Variants in LDB2 observed in about 807,000 individuals in gnomAD.
LDB2 encodes LIM domain binding 2.
LDB2 carries 12 observed loss-of-function variants against 44.3 expected under a neutral mutation model. The observed-to-expected ratio is 0.27, with a 90% CI of 0.17 to 0.44. The LOEUF is 0.44. Ranked by LOEUF, LDB2 falls within the 20% of genes least tolerant of loss-of-function variation. LDB2 has a pLI of 1.00. For missense variants in LDB2, 344 were observed against 473.5 expected (o/e 0.73, Z 2.54); for synonymous variants, 164 against 174.8 (o/e 0.94, Z 0.49).
intron 1 of LDB2, among the ~76,000 whole-genome samples, chr4:16,848,311 T>A (rs2110162679): frequency 6.6e-6 from 1 of 152,370 alleles, no homozygotes; most frequent in East Asian, 1.9e-4. Flanking sequence ...GAAGTCCATG[T>A]ATATACACTA....
intron 2 of LDB2, among the ~76,000 whole-genome samples, chr4:16,692,061 A>G (rs1371460573): frequency 1.3e-5 from 2 of 152,212 alleles, no homozygotes; most frequent in African/African-American, 2.4e-5. Flanking sequence ...ACCACAGTAC[A>G]GTATTGAATT....
Position 16,512,037 on chromosome 4 carries a change from C to T in LDB2, c.683G>A (p.Arg228Gln), listed in dbSNP as rs1721941384. 2.5e-6 allele frequency: 4 copies of T among 1,613,584 alleles called. No individual in the cohort carries two copies. Among genetic ancestry groups the T allele is most frequent in the Admixed American group, 1.7e-5 (1 of 59,940 alleles). ...SRHKTYNLSP[R>Q]DCLKTCLFQK... ...AAACAAGCAGGTCTTCAGGCAGTCT[C>T]GGGGACTGAGGTTGTAAGTTTTATG... Residue 228 changes from arginine to glutamine, a missense_variant, in exon 6 of 8, where the codon CGA (arginine) becomes CAA (glutamine). Around this residue, in one of 3 missense-constraint regions of LDB2, gnomAD observed 86 missense variants for 171.2 expected, o/e 0.50. Transcript: ENST00000304523.
At chr4:16,827,334 G>A (rs1783243203) in intron 1 of LDB2, among the ~76,000 whole-genome samples, 1 of 151,414 alleles carries the variant, frequency 6.6e-6, no homozygotes, top group Non-Finnish European at 1.5e-5. Flanking sequence ...GGAGTGTAGA[G>A]CTATGCAAGA....
At chr4:16,891,323 T>G (rs1434193556) in intron 1 of LDB2, among the ~76,000 whole-genome samples, 6 of 139,874 alleles carry the variant, frequency 4.3e-5, no homozygotes, top group Non-Finnish European at 7.7e-5. Context: ...TTTTTTTTTT[T>G]TTTTTTTGAG....
At chr4:16,608,147 C>T (rs1272336007) in intron 2 of LDB2, among the ~76,000 whole-genome samples, 1 of 148,196 alleles carries the variant, frequency 6.7e-6, no homozygotes, top group Non-Finnish European at 1.5e-5. Flanking sequence ...TTCTACCTTA[C>T]CATACTGTAT....
chr4:16,706,477 C>A (rs756809710), intron 2 of LDB2, among the ~76,000 whole-genome samples: 10 of 152,318 alleles, frequency 6.6e-5, no homozygotes, highest in Non-Finnish European at 1.5e-4. Flanking sequence ...AATTCTAGAA[C>A]TGCGAGAAAT....
chr4:16,766,037 T>G (rs1199518296), intron 1 of LDB2, among the ~76,000 whole-genome samples: 1 of 152,204 alleles, frequency 6.6e-6, no homozygotes, highest in Non-Finnish European at 1.5e-5. Flanking sequence ...TGAAGACTCA[T>G]GGGCCCATTA....
chr4:16,724,177 T>G (rs1216556960), intron 2 of LDB2, among the ~76,000 whole-genome samples: 1 of 152,088 alleles, frequency 6.6e-6, no homozygotes, highest in African/African-American at 2.4e-5. Context: ...ACACATTAGT[T>G]TAACAACCCA....
chr4:16,696,675 C>A (rs1752199835), intron 2 of LDB2, among the ~76,000 whole-genome samples: 1 of 152,112 alleles, frequency 6.6e-6, no homozygotes, highest in Non-Finnish European at 1.5e-5. Context: ...GGTTTCTGCA[C>A]ATTAGGGTGT....
intron 2 of LDB2, among the ~76,000 whole-genome samples, chr4:16,596,680 G>A (rs1170844523): frequency 3.9e-5 from 6 of 152,034 alleles, no homozygotes; most frequent in Non-Finnish European, 1.5e-5. Context: ...TAGAATAAAA[G>A]GCTAATTTTA....
At chr4:16,766,065 T>C in intron 1 of LDB2, among the ~76,000 whole-genome samples, 1 of 152,170 alleles carries the variant, frequency 6.6e-6, no homozygotes. Context: ...TTAACAATTA[T>C]TGCAATATTA....
At chr4:16,751,218 A>C (rs1765433737) in intron 2 of LDB2, among the ~76,000 whole-genome samples, 1 of 152,222 alleles carries the variant, frequency 6.6e-6, no homozygotes, top group Non-Finnish European at 1.5e-5. Flanking sequence ...CCCTAAGAGA[A>C]GAGCTAACAA....
chr4:16,525,463 C>T (rs561975730), intron 5 of LDB2, among the ~76,000 whole-genome samples: 2 of 152,344 alleles, frequency 1.3e-5, no homozygotes, highest in Admixed American at 1.3e-4. Flanking sequence ...CAGCCCTCTC[C>T]CCTCCCAGGG....
intron 2 of LDB2, among the ~76,000 whole-genome samples, chr4:16,633,811 C>T (rs1263425171): frequency 6.6e-6 from 1 of 152,178 alleles, no homozygotes; most frequent in Admixed American, 6.5e-5. Flanking sequence ...CCAAGACAAT[C>T]CTGGTCAAGA....
intron 2 of LDB2, among the ~76,000 whole-genome samples, chr4:16,628,310 C>T (rs78010452): frequency 0.074 from 11,245 of 152,048 alleles, 494 homozygotes; most frequent in African/African-American, 0.097. Flanking sequence ...CATCTCATGC[C>T]CCAAAAGCTC....
chr4:16,691,139 G>A (rs149213233), intron 2 of LDB2, among the ~76,000 whole-genome samples: 54 of 152,286 alleles, frequency 3.5e-4, no homozygotes, highest in African/African-American at 1.2e-3. Flanking sequence ...GGTCACCAAC[G>A]TCAAATAGCT....
At chr4:16,624,465 A>AT (rs1205398700) in intron 2 of LDB2, among the ~76,000 whole-genome samples, 2 of 152,324 alleles carry the variant, frequency 1.3e-5, no homozygotes, top group African/African-American at 2.4e-5. Context: ...TGGTAACTAC[A>AT]TTTTTTATTA....
chr4:16,792,048 T>C (rs968212550), intron 1 of LDB2, among the ~76,000 whole-genome samples: 1 of 152,228 alleles, frequency 6.6e-6, no homozygotes, highest in African/African-American at 2.4e-5. Flanking sequence ...CTCATAATCT[T>C]GATTTTGCAG....
At chr4:16,550,592 T>C (rs1737317338) in intron 5 of LDB2, among the ~76,000 whole-genome samples, 1 of 152,212 alleles carries the variant, frequency 6.6e-6, no homozygotes, top group African/African-American at 2.4e-5. Flanking sequence ...GAGAAACCAT[T>C]TGATATTAAG....
Sources: allele counts gnomAD v4.1 joint callset (sites outside exome capture counted in the v4.1 genomes callset), GRCh38; gene constraint gnomAD v4.1.1; regional missense constraint gnomAD v4.1.1; transcripts MANE v1.5; gene names NCBI Gene and HGNC (gene_info 2026-07-23, HGNC 2026-07-21).